The following HCN1 variants were observed in gnomAD, a reference collection of about 807,000 sequenced individuals.
HCN1 encodes the protein hyperpolarization activated cyclic nucleotide gated potassium channel 1, also known as potassium/sodium hyperpolarization-activated cyclic nucleotide-gated channel 1.
Under a neutral mutation model 78.9 loss-of-function variants are expected in HCN1, and 13 were observed. The observed-to-expected ratio is 0.16, with a 90% CI of 0.11 to 0.26. The LOEUF is 0.26. Among genes scored for constraint, HCN1 ranks in the 10% least tolerant of loss-of-function variants. HCN1 has a pLI of 1.00. For synonymous variants in HCN1, 552 were observed against 455.5 expected, an observed-to-expected ratio of 1.21 and a Z score of -2.70; for missense variants, 810 against 1,154.3, an observed-to-expected ratio of 0.70 and a Z score of 4.32.
intron 5 of HCN1, among the ~76,000 whole-genome samples, chr5:45,352,176 C>G (rs1746919242): frequency 6.6e-6 from 1 of 152,118 alleles, no homozygotes; most frequent in Admixed American, 6.6e-5. Context: ...CACATATACA[C>G]CATGGAATAC....
At chr5:45,304,890 G>C (rs1282962220) in intron 5 of HCN1, among the ~76,000 whole-genome samples, 1 of 152,040 alleles carries the variant, frequency 6.6e-6, no homozygotes, top group Non-Finnish European at 1.5e-5. Context: ...TTCTGATCAA[G>C]GTTAGACATA....
chr5:45,537,521 G>GTTTTTTTTT (rs1381285677), intron 2 of HCN1, among the ~76,000 whole-genome samples: 1 of 28,842 alleles, frequency 3.5e-5, no homozygotes, highest in African/African-American at 9.1e-5. Context: ...GCAACTCTAA[G>GTTTTTTTTT]TCTTTTTTTT....
At chr5:45,588,206 G>A (rs1210438073) in intron 2 of HCN1, among the ~76,000 whole-genome samples, 1 of 152,036 alleles carries the variant, frequency 6.6e-6, no homozygotes, top group Non-Finnish European at 1.5e-5. Flanking sequence ...AAGATAAATA[G>A]CAGGGAAGTC....
chr5:45,322,243 C>A (rs2111937681), intron 5 of HCN1, among the ~76,000 whole-genome samples: 1 of 151,904 alleles, frequency 6.6e-6, no homozygotes, highest in Middle Eastern at 3.4e-3. Flanking sequence ...GGGTGGCTGT[C>A]CTAAACCCAT....
At chr5:45,381,556 G>A (rs1464181796) in intron 4 of HCN1, among the ~76,000 whole-genome samples, 1 of 152,030 alleles carries the variant, frequency 6.6e-6, no homozygotes, top group African/African-American at 2.4e-5. Flanking sequence ...TCCTCACATG[G>A]TCAGCTCCAT....
chr5:45,537,226 A>C (rs1352857410), intron 2 of HCN1, among the ~76,000 whole-genome samples: 1 of 152,120 alleles, frequency 6.6e-6, no homozygotes, highest in East Asian at 1.9e-4. Flanking sequence ...AGTAAATCTT[A>C]TCTCTGACTA....
At chr5:45,644,537 A>G (rs1327599075) in intron 2 of HCN1, 3 of 152,234 alleles carry the variant, frequency 2.0e-5, no homozygotes, top group African/African-American at 7.2e-5. Flanking sequence ...CACTCCATTT[A>G]TTCACTATAC....
intron 5 of HCN1, among the ~76,000 whole-genome samples, chr5:45,340,839 T>C (rs1746563264): frequency 1.3e-5 from 2 of 152,176 alleles, no homozygotes; most frequent in Admixed American, 1.3e-4. Context: ...AAATAGCCTC[T>C]CTCAGAGCGA....
intron 2 of HCN1, among the ~76,000 whole-genome samples, chr5:45,601,206 G>A (rs1016797174): frequency 1.3e-5 from 2 of 152,092 alleles, no homozygotes; most frequent in East Asian, 3.9e-4. Flanking sequence ...TATGTCATTT[G>A]ACTTGTCTTA....
At chr5:45,418,985 T>G (rs1740172040) in intron 3 of HCN1, among the ~76,000 whole-genome samples, 1 of 152,174 alleles carries the variant, frequency 6.6e-6, no homozygotes, top group Non-Finnish European at 1.5e-5. Context: ...GTGATGCATT[T>G]CAATTCCACT....
intron 6 of HCN1, among the ~76,000 whole-genome samples, chr5:45,298,078 T>C (rs1459856147): frequency 1.3e-5 from 2 of 152,028 alleles, no homozygotes; most frequent in African/African-American, 4.8e-5. Context: ...TGCTATGGTT[T>C]GAATATGTGT....
chr5:45,331,128 C>G (rs1366780008), intron 5 of HCN1, among the ~76,000 whole-genome samples: 1 of 151,202 alleles, frequency 6.6e-6, no homozygotes, highest in East Asian at 1.9e-4. Context: ...TGGCATTGAA[C>G]AGGTAGACAT....
At chr5:45,557,563 A>C (rs933649268) in intron 2 of HCN1, among the ~76,000 whole-genome samples, 1 of 152,138 alleles carries the variant, frequency 6.6e-6, no homozygotes, top group Non-Finnish European at 1.5e-5. Context: ...TTTTAAATAA[A>C]TTGAGGCTTT....
At chr5:45,509,248 G>A (rs752527205) in intron 2 of HCN1, among the ~76,000 whole-genome samples, 15 of 152,130 alleles carry the variant, frequency 9.9e-5, no homozygotes, top group African/African-American at 1.9e-4. Context: ...TCTCAGAGGC[G>A]AAAATAATTC....
intron 4 of HCN1, among the ~76,000 whole-genome samples, chr5:45,384,588 G>T (rs1263430657): frequency 6.6e-6 from 1 of 152,078 alleles, no homozygotes; most frequent in Non-Finnish European, 1.5e-5. Flanking sequence ...TAATTAAACT[G>T]TTCATCAAAT....
chr5:45,506,001 T>C (rs1195982172), intron 2 of HCN1, among the ~76,000 whole-genome samples: 1 of 152,156 alleles, frequency 6.6e-6, no homozygotes, highest in Non-Finnish European at 1.5e-5. Flanking sequence ...AAGTGCAATC[T>C]TGCTTGCCTT....
intron 3 of HCN1, among the ~76,000 whole-genome samples, chr5:45,452,229 G>A (rs937354035): frequency 6.6e-5 from 10 of 151,820 alleles, no homozygotes; most frequent in African/African-American, 2.2e-4. Context: ...GATACTGGAT[G>A]TAGAACAGAG....
chr5:45,262,519 G>A lies in HCN1; in HGVS notation c.2075C>T (p.Ala692Val). 1 of 1,613,818 alleles carries A rather than the reference G, an allele frequency of 6.2e-7. No individual in the cohort carries two copies. Among genetic ancestry groups the A allele is most frequent in the South Asian group, 1.1e-5 (1 of 91,052 alleles). The change falls in exon 8 of 8, where the codon GCC becomes GTC. Residue 692 changes from alanine to valine, a missense_variant. Physicochemically the swap from Ala to Val is moderately conservative, Grantham distance 64. Around this residue, in one of 6 missense-constraint regions of HCN1, gnomAD observed 398 missense variants for 381.3 expected, o/e 1.04. Coordinates refer to ENST00000303230, the MANE Select transcript of HCN1 (RefSeq NM_021072.4). ...GGTGTAGGAGCAGGGTGACAGGATG[G>A]CTGATGGCTGGGGGGTCTGTGTGCT... is the stretch of plus-strand genomic sequence containing the variant. ...SPSTQTPQPS[A>V]ILSPCSYTTA... is the part of the protein sequence containing the mutation.
Position 45,270,927 on chromosome 5 carries a change from G to A in HCN1, c.1619-3674C>T, listed in dbSNP as rs1049160496. Among the ~76,000 whole-genome samples the A allele has an allele frequency of 2.0e-5, 3 of 151,868 alleles. No individual in the cohort carries two copies. In the East Asian group the frequency reaches 5.8e-4, roughly 29 times the overall value. On this transcript the variant is annotated intron_variant, in intron 6 of 7. Transcript: ENST00000303230. ...AACCATTATTTACAAATGATTTTCTGGCCTCTGTCATCTGATGATCTCATA... is the reference window on the plus strand; with the variant it reads ...AACCATTATTTACAAATGATTTTCTAGCCTCTGTCATCTGATGATCTCATA...
Sources: allele counts gnomAD v4.1 joint callset (sites outside exome capture counted in the v4.1 genomes callset), GRCh38; gene constraint gnomAD v4.1.1; regional missense constraint gnomAD v4.1.1; transcripts MANE v1.5; gene names NCBI Gene and HGNC (gene_info 2026-07-23, HGNC 2026-07-21).